Variants in TMEM181 observed in about 807,000 individuals in gnomAD.
TMEM181 encodes the protein G protein-coupled receptor 178.
A neutral mutation model predicts 71.9 loss-of-function variants in TMEM181; 39 were observed. The ratio of observed to expected loss-of-function variants is 0.54; its 90% confidence interval spans 0.42 to 0.71. TMEM181 has a LOEUF of 0.71. Among genes scored for constraint, TMEM181 ranks in the 30% least tolerant of loss-of-function variants. The pLI, the probability that TMEM181 is intolerant of heterozygous loss-of-function variation, is 0.00. For missense variants in TMEM181, 595 were observed against 583.0 expected (o/e 1.02, Z -0.21); for synonymous variants, 245 against 228.8 (o/e 1.07, Z -0.64).
At position 158,570,588 on chromosome 6, in the gene TMEM181, AGTATACGTGCCCAAGAT is replaced by A. The variant is rs1309717655; in HGVS notation, c.9-2830_9-2814del. Among the ~76,000 whole-genome samples, 4 of 152,068 alleles carry A rather than the reference AGTATACGTGCCCAAGAT, an allele frequency of 2.6e-5. No homozygotes were observed. The East Asian group carries it at 5.8e-4, about 22-fold the overall frequency. On this transcript the variant is annotated intron_variant, in intron 1 of 16. Transcript: ENST00000684151. ...CAGGTGGGGAAACAGGTCTGGAGTC[AGTATACGTGCCCAAGAT>A]GCTGCAGCCCTGCCCTCTGCACCCA...
At chr6:158,618,983 T>A (rs1785788240) in intron 10 of TMEM181, among the ~76,000 whole-genome samples, 1 of 152,230 alleles carries the variant, frequency 6.6e-6, no homozygotes, top group African/African-American at 2.4e-5. Flanking sequence ...GTTGCTCTTC[T>A]CAAGGAGTAT....
At chr6:158,588,420 G>A (rs1783908035) in intron 5 of TMEM181, among the ~76,000 whole-genome samples, 1 of 152,108 alleles carries the variant, frequency 6.6e-6, no homozygotes, top group Admixed American at 6.5e-5. Flanking sequence ...CCGCCTCCCT[G>A]ACAGTTGCCC....
chr6:158,611,984 C>CCCCCA (rs1554228494), intron 10 of TMEM181, among the ~76,000 whole-genome samples: 2 of 151,552 alleles, frequency 1.3e-5, no homozygotes, highest in East Asian at 2.0e-4. Context: ...ATACCCCCCC[C>CCCCCA]ACCTCCTAGT....
chr6:158,605,953 G>A (rs1457741943), intron 7 of TMEM181, among the ~76,000 whole-genome samples: 1 of 152,162 alleles, frequency 6.6e-6, no homozygotes, highest in Admixed American at 6.5e-5. Flanking sequence ...ATCTGTTGCC[G>A]CCCGAAGTGT....
rs548235067 is a variant in TMEM181, at chr6:158,550,612, C to T, written c.131+13747C>T. On this transcript the variant is annotated intron_variant, in intron 1 of 16. Coordinates refer to the TMEM181 transcript ENST00000367090. Reference sequence around the variant, plus strand: ...TGGAGGTTGCAATGAGCCGAGATGGCGCCACTGCACTCTAGCCTCGTGATA... The same window carrying T: ...TGGAGGTTGCAATGAGCCGAGATGGTGCCACTGCACTCTAGCCTCGTGATA... 2.0e-5 allele frequency among the ~76,000 whole-genome samples: 3 copies of T among 151,716 alleles called. No individual in the cohort carries two copies. The East Asian group carries it at 5.9e-4, about 30-fold the overall frequency.
upstream of TMEM181, among the ~76,000 whole-genome samples, chr6:158,559,211 C>T (rs531166867): frequency 6.6e-6 from 1 of 152,294 alleles, no homozygotes; most frequent in East Asian, 1.9e-4. Context: ...GAGTTAGGCA[C>T]CCTTCCTCAC....
chr6:158,548,208 A>T (rs1358421451), intron 1 of TMEM181, among the ~76,000 whole-genome samples: 10 of 152,082 alleles, frequency 6.6e-5, no homozygotes, highest in Non-Finnish European at 1.5e-5. Context: ...GTTTGTCCCG[A>T]AGCTCTGGCC....
intron 14 of TMEM181, among the ~76,000 whole-genome samples, chr6:158,629,114 C>A (rs1048047210): frequency 6.6e-6 from 1 of 152,152 alleles, no homozygotes. Flanking sequence ...GCCCAGAAGT[C>A]GGAGAGGTTA....
chr6:158,605,881 C>G (rs970764050), intron 7 of TMEM181, among the ~76,000 whole-genome samples: 1 of 152,152 alleles, frequency 6.6e-6, no homozygotes, highest in African/African-American at 2.4e-5. Flanking sequence ...CCCCCCAGAG[C>G]CCCAGTCTGC....
chr6:158,536,960 G>A, intron 1 of TMEM181: 3 of 947,040 alleles, frequency 3.2e-6, no homozygotes, highest in Non-Finnish European at 3.9e-6. Flanking sequence ...GCCTGGTCCC[G>A]CCGACGGCCG....
In TMEM181 at chr6:158,630,827, C is replaced by T. The variant is rs941507501; in HGVS notation, c.1283-496C>T. Among the ~76,000 whole-genome samples, 8 of 152,208 alleles carry T rather than the reference C, an allele frequency of 5.3e-5. No individual in the cohort carries two copies. The South Asian group carries it at 6.2e-4, about 12-fold the overall frequency. On this transcript the variant is annotated intron_variant, in intron 15 of 16. Transcript: ENST00000684151. ...ACTCTCTAGAACATAGGCAGCCCCC[C>T]GCACCCCCCGACATCTTATAGTGGG... is the stretch of plus-strand genomic sequence containing the variant.
intron 10 of TMEM181, among the ~76,000 whole-genome samples, chr6:158,611,910 C>A (rs1267674817): frequency 6.6e-6 from 1 of 152,026 alleles, no homozygotes; most frequent in Non-Finnish European, 1.5e-5. Context: ...TATCTCTTCG[C>A]CTTGCTTATC....
chr6:158,568,762 G>A (rs190335821), intron 1 of TMEM181, among the ~76,000 whole-genome samples: 1 of 152,256 alleles, frequency 6.6e-6, no homozygotes, highest in African/African-American at 2.4e-5. Flanking sequence ...GTTCTGAAGC[G>A]ACTGGGGACT....
chr6:158,558,496 C>A (rs1781986861), upstream of TMEM181, among the ~76,000 whole-genome samples: 1 of 152,174 alleles, frequency 6.6e-6, no homozygotes, highest in Non-Finnish European at 1.5e-5. Context: ...GGTTAGACAA[C>A]ATTTATGGAC....
At chr6:158,551,261 A>G (rs1781716200) in intron 1 of TMEM181, among the ~76,000 whole-genome samples, 1 of 152,094 alleles carries the variant, frequency 6.6e-6, no homozygotes, top group South Asian at 2.1e-4. Flanking sequence ...TGCCCGGCTC[A>G]ATTATTTAAT....
At chr6:158,590,286 C>T (rs1037474588) in intron 6 of TMEM181, among the ~76,000 whole-genome samples, 1 of 151,814 alleles carries the variant, frequency 6.6e-6, no homozygotes, top group Non-Finnish European at 1.5e-5. Context: ...CATTGACTCA[C>T]GTGATTTTGT....
At chr6:158,560,962 AC>A in intron 1 of TMEM181, among the ~76,000 whole-genome samples, 1 of 152,000 alleles carries the variant, frequency 6.6e-6, no homozygotes, top group Non-Finnish European at 1.5e-5. Context: ...AAAGAAGGAG[AC>A]GGAGTTAACC....
Position 158,629,820 on chromosome 6 carries a change from G to C in TMEM181, c.1282+1G>C, listed in dbSNP as rs748607349. 2 of 1,613,316 alleles carry C rather than the reference G, an allele frequency of 1.2e-6. No homozygotes were observed. The highest frequency in any genetic ancestry group is 1.7e-6 in the Non-Finnish European group (2 of 1,179,296). ...TCTCCATCGAAGAATGCCCTCTATGGTAAGCCACCCTGGGGTCTGGACTGC... is the reference window on the plus strand; with the variant it reads ...TCTCCATCGAAGAATGCCCTCTATGCTAAGCCACCCTGGGGTCTGGACTGC... On this transcript the variant is annotated splice_donor_variant, in intron 15 of 16. Transcript: ENST00000684151. LOFTEE classifies it high-confidence loss of function.
At chr6:158,547,812 A>AG (rs1316744905) in intron 1 of TMEM181, among the ~76,000 whole-genome samples, 1 of 146,044 alleles carries the variant, frequency 6.8e-6, no homozygotes, top group Non-Finnish European at 1.5e-5. Context: ...CTCCTGGTGC[A>AG]GGCCCCAGAA....
Sources: allele counts gnomAD v4.1 joint callset (sites outside exome capture counted in the v4.1 genomes callset), GRCh38; gene constraint gnomAD v4.1.1; transcripts MANE v1.5; gene names NCBI Gene and HGNC (gene_info 2026-07-23, HGNC 2026-07-21).